Variants in ELOF1 observed in about 807,000 individuals in gnomAD.
ELOF1 encodes elongation factor 1, also known as transcription elongation factor 1 homolog.
ELOF1 carries 4 observed loss-of-function variants against 7.1 expected under a neutral mutation model. The observed-to-expected ratio is 0.56, with a 90% CI of 0.28 to 1.29. The LOEUF is 1.29. ELOF1 is among the 50% of genes most tolerant of loss of function. The probability of loss-of-function intolerance (pLI) is 0.10; values close to 1 mark genes in which losing one functional copy is unlikely to be tolerated. For synonymous variants in ELOF1, 31 were observed against 31.9 expected, an observed-to-expected ratio of 0.97 and a Z score of 0.09; for missense variants, 59 against 86.3, an observed-to-expected ratio of 0.68 and a Z score of 1.25.
At chr19:11,553,576 ACC>A (rs1448422835) in intron 3 of ELOF1, 12 of 730,990 alleles carry the variant, frequency 1.6e-5, no homozygotes, top group East Asian at 5.7e-5. Flanking sequence ...CCACACGCAC[ACC>A]CACTACACAC....
chr19:11,553,463 CAGG>C, intron 3 of ELOF1: 1 of 583,336 alleles, frequency 1.7e-6, no homozygotes, highest in Non-Finnish European at 3.1e-6. Flanking sequence ...TCAGGCCCCT[CAGG>C]CCCAGGAACC....
intron 1 of ELOF1, chr19:11,555,574 G>C (rs1288895166): frequency 6.6e-6 from 1 of 152,496 alleles, no homozygotes; most frequent in Non-Finnish European, 1.5e-5. Flanking sequence ...CCAGATGACA[G>C]ACTGCAGGGC....
chr19:11,559,188 C>CA lies in ELOF1; in HGVS notation c.-19+2dup, dbSNP rs1467396531. On this transcript the variant is annotated splice_region_variant and intron_variant, in intron 1 of 3. Coordinates refer to ENST00000586683, the Ensembl canonical transcript of ELOF1. ...CACTCGCACGAGCCGCACCAGCACTCACCTTCTCCAGCTGCGAAAGCTCCG... is the reference window on the plus strand; with the variant it reads ...CACTCGCACGAGCCGCACCAGCACTCAACCTTCTCCAGCTGCGAAAGCTCCG... 1.3e-5 allele frequency: 2 copies of CA among 152,712 alleles called. No homozygotes were observed. The highest frequency in any genetic ancestry group is 4.8e-5 in the African/African-American group (2 of 41,458). The allele number at this position is 152,712 out of a possible 1,614,324, so 9.5% of individuals were successfully genotyped here. A position where few individuals can be genotyped will look rare whatever the true frequency, so the allele number is the denominator to read the frequency against.
intron 1 of ELOF1, among the ~76,000 whole-genome samples, chr19:11,555,924 C>G (rs974604105): frequency 3.3e-5 from 5 of 151,948 alleles, no homozygotes; most frequent in African/African-American, 4.8e-5. Flanking sequence ...AAGGTTGTGG[C>G]GGGGACATAG....
exon 2 of ELOF1, chr19:11,554,328 T>A: frequency 1.2e-6 from 2 of 1,613,844 alleles, no homozygotes; most frequent in Non-Finnish European, 1.7e-6. Flanking sequence ...CGGCTTTCGT[T>A]TTGACTTTCT....
At chr19:11,556,877 C>T (rs1178882690) in intron 1 of ELOF1, among the ~76,000 whole-genome samples, 1 of 152,166 alleles carries the variant, frequency 6.6e-6, no homozygotes, top group East Asian at 1.9e-4. Flanking sequence ...GAAGTAAGTT[C>T]CTGCAAAAAC....
chr19:11,553,231 G>A, intron 3 of ELOF1: 1 of 398,932 alleles, frequency 2.5e-6, no homozygotes, highest in Middle Eastern at 6.3e-4. Context: ...CCGGCCACGG[G>A]CACTAGAAGG....
At chr19:11,553,629 A>C in intron 3 of ELOF1, 1 of 835,536 alleles carries the variant, frequency 1.2e-6, no homozygotes, top group Non-Finnish European at 1.9e-6. Context: ...ACACACACAC[A>C]CACGGCTGTG....
chr19:11,556,794 C>A (rs1356409265), intron 1 of ELOF1, among the ~76,000 whole-genome samples: 1 of 152,210 alleles, frequency 6.6e-6, no homozygotes, highest in Non-Finnish European at 1.5e-5. Flanking sequence ...ATCCTCTGGC[C>A]TCAGCCTGCT....
intron 3 of ELOF1, chr19:11,553,230 G>A: frequency 5.0e-6 from 2 of 398,834 alleles, no homozygotes; most frequent in Non-Finnish European, 8.8e-6. Flanking sequence ...CCCGGCCACG[G>A]GCACTAGAAG....
chr19:11,556,591 G>A (rs1235130002), intron 1 of ELOF1, among the ~76,000 whole-genome samples: 2 of 151,768 alleles, frequency 1.3e-5, no homozygotes, highest in South Asian at 4.2e-4. Context: ...GAGCCACCAC[G>A]CCCAGCCAAC....
chr19:11,555,195 T>G (rs1972811662), intron 1 of ELOF1: 1 of 226,524 alleles, frequency 4.4e-6, no homozygotes, highest in Admixed American at 5.6e-5. Context: ...AGGCGGAGAC[T>G]GCAGTGAGCC....
rs538448238 is a variant in ELOF1, at chr19:11,554,225, C to T, written c.116+7G>A. On this transcript the variant is annotated splice_region_variant and intron_variant, in intron 2 of 3. Coordinates refer to ENST00000586683, the Ensembl canonical transcript of ELOF1. ...AGGCTGGATCCCTTGCCCTGTTCCCCACTCACATTTTCACATCACAGGATT... is the reference window on the plus strand; with the variant it reads ...AGGCTGGATCCCTTGCCCTGTTCCCTACTCACATTTTCACATCACAGGATT... The T allele has an allele frequency of 6.2e-7, 1 of 1,612,920 alleles. No individual in the cohort carries two copies. The highest frequency in any genetic ancestry group is 1.1e-5 in the South Asian group (1 of 91,038).
intron 3 of ELOF1, chr19:11,553,691 G>C: frequency 1.2e-6 from 2 of 1,609,708 alleles, no homozygotes; most frequent in Non-Finnish European, 1.7e-6. Context: ...GACCAGAACC[G>C]AACAGCTGGA....
At chr19:11,558,819 G>C (rs1972872085) in intron 1 of ELOF1, 1 of 152,024 alleles carries the variant, frequency 6.6e-6, no homozygotes, top group Non-Finnish European at 1.5e-5. Flanking sequence ...CCATGAATGG[G>C]GTCTGGCTTG....
chr19:11,556,858 T>C (rs1972841688), intron 1 of ELOF1, among the ~76,000 whole-genome samples: 1 of 152,206 alleles, frequency 6.6e-6, no homozygotes, highest in South Asian at 2.1e-4. Context: ...GCATGCCTCC[T>C]TTACTATGGA....
intron 3 of ELOF1, chr19:11,553,391 G>T: frequency 2.2e-6 from 1 of 462,380 alleles, no homozygotes; most frequent in Non-Finnish European, 3.8e-6. Context: ...AGAGCCCCAA[G>T]GCTGGGGGGC....
Position 11,558,272 on chromosome 19 carries a change from C to T in ELOF1, c.-19+919G>A, listed in dbSNP as rs1418057951. On this transcript the variant is annotated intron_variant, in intron 1 of 3. Transcript: ENST00000586683. ...GAAATATAAATTAGCCGCGGCACCA[C>T]GCCCAGCTAATTTTTGTATTTTTTG... is the stretch of plus-strand genomic sequence containing the variant. Among the ~76,000 whole-genome samples, 4 of 152,008 alleles carry T rather than the reference C, an allele frequency of 2.6e-5. No homozygotes were observed. The East Asian group carries it at 7.8e-4, about 30-fold the overall frequency.
At chr19:11,554,181 C>G in intron 2 of ELOF1, 51 bp downstream of exon 2, 1 of 1,613,500 alleles carries the variant, frequency 6.2e-7, no homozygotes, top group Non-Finnish European at 8.5e-7. Flanking sequence ...TGGAGAACAG[C>G]GGGGAAGAGG....
Sources: gnomAD v4.1 joint callset for allele counts (sites outside exome capture counted in the v4.1 genomes callset) on GRCh38, gnomAD v4.1.1 for gene constraint, MANE v1.5 for transcripts, NCBI Gene and HGNC (gene_info 2026-07-23, HGNC 2026-07-21) for gene names.